The following ADAM12 variants were observed in gnomAD, a reference collection of about 807,000 sequenced individuals.
The protein encoded by ADAM12 is ADAM metallopeptidase domain 12.
A neutral mutation model predicts 106.4 loss-of-function variants in ADAM12; 70 were observed. The observed-to-expected ratio is 0.66, with a 90% CI of 0.54 to 0.80. ADAM12 has a LOEUF of 0.80. Ranked by LOEUF, ADAM12 falls within the 30% of genes least tolerant of loss-of-function variation. The pLI is 0.00. For synonymous variants in ADAM12, 420 were observed against 433.5 expected, an observed-to-expected ratio of 0.97 and a Z score of 0.39; for missense variants, 1,010 against 1,171.9, an observed-to-expected ratio of 0.86 and a Z score of 2.02.
At chr10:126,356,963 T>C (rs1821056912) in intron 1 of ADAM12, among the ~76,000 whole-genome samples, 1 of 152,190 alleles carries the variant, frequency 6.6e-6, no homozygotes, top group Admixed American at 6.5e-5. Flanking sequence ...ATGGGAATTA[T>C]GGAATACCAT....
intron 11 of ADAM12, among the ~76,000 whole-genome samples, chr10:126,085,210 G>A (rs1007847970): frequency 1.3e-5 from 2 of 152,220 alleles, no homozygotes; most frequent in African/African-American, 4.8e-5. Context: ...ATTTATCTGG[G>A]TTTTCTCTGC....
intron 11 of ADAM12, among the ~76,000 whole-genome samples, chr10:126,086,708 A>ATATATATATATATATAT (rs1955364125): frequency 2.7e-5 from 2 of 73,608 alleles, no homozygotes; most frequent in African/African-American, 5.0e-5. Context: ...TATATATATA[A>ATATATATATATATATAT]AATAAAATAG....
intron 18 of ADAM12, among the ~76,000 whole-genome samples, chr10:126,040,564 G>A (rs922485120): frequency 3.3e-5 from 5 of 152,178 alleles, no homozygotes; most frequent in Non-Finnish European, 5.9e-5. Flanking sequence ...ACAGCCAACA[G>A]ATGACAGTCT....
chr10:126,251,115 G>A (rs1958737022), intron 3 of ADAM12, among the ~76,000 whole-genome samples: 1 of 152,184 alleles, frequency 6.6e-6, no homozygotes, highest in African/African-American at 2.4e-5. Flanking sequence ...CCAAGGGGTA[G>A]GAACATGACC....
At chr10:126,195,231 A>G (rs969924159) in intron 3 of ADAM12, among the ~76,000 whole-genome samples, 6 of 152,206 alleles carry the variant, frequency 3.9e-5, no homozygotes, top group Admixed American at 1.3e-4. Context: ...AATTGCTAAA[A>G]GAATAGATTT....
chr10:126,306,377 A>C (rs748196379), intron 2 of ADAM12, among the ~76,000 whole-genome samples: 4 of 152,198 alleles, frequency 2.6e-5, no homozygotes, highest in Middle Eastern at 3.4e-3. Context: ...TGCTATTCAT[A>C]GTTTACTTAT....
chr10:126,041,339 A>C, intron 18 of ADAM12: 2 of 985,816 alleles, frequency 2.0e-6, no homozygotes, highest in South Asian at 4.7e-5. Context: ...GGGTGGAGGC[A>C]GCGGTATTTC....
Position 126,036,222 on chromosome 10 carries a change from G to A in ADAM12, c.2453C>T (p.Pro818Leu). The change falls in exon 21 of 23, where the codon CCC becomes CTC. Residue 818 changes from proline to leucine, a missense_variant. By Grantham distance (98) the Pro-to-Leu change is moderately conservative. Coordinates refer to ENST00000448723, the MANE Select transcript of ADAM12 (RefSeq NM_001288973.2). ...QPQSTQRVLP[P>L]LHRAPRAPSV... The stretch of plus-strand genomic sequence containing the variant: ...AGGTGCACGTGGAGCCCGGTGGAGG[G>A]GAGGAAGCACTCGCTGAGTTGACTG... 5 of 1,552,256 alleles carry A rather than the reference G, an allele frequency of 3.2e-6. No homozygotes were observed. Among genetic ancestry groups the A allele is most frequent in the Non-Finnish European group, 3.5e-6 (4 of 1,154,294 alleles).
intron 4 of ADAM12, among the ~76,000 whole-genome samples, chr10:126,136,670 C>A (rs1956411124): frequency 6.6e-6 from 1 of 152,082 alleles, no homozygotes; most frequent in African/African-American, 2.4e-5. Context: ...AGAAAAAGCA[C>A]CAGATGCAAT....
At position 126,388,352 on chromosome 10, in the gene ADAM12, G is replaced by C; in HGVS notation, c.-207C>G. The C allele has an allele frequency of 1.4e-6, 1 of 712,944 alleles. No individual in the cohort carries two copies. Among genetic ancestry groups the C allele is most frequent in the Non-Finnish European group, 1.9e-6 (1 of 533,012 alleles). 44.2% of individuals were successfully genotyped at this position (712,944 alleles called of 1,614,324 possible). A position where few individuals can be genotyped will look rare whatever the true frequency, so the allele number is the denominator to read the frequency against. ...AAAAAGTTTCCCCCCGTGTGTGTGCGTGCGTGCGCGCGCGCGCGCCGTTCT... is the reference window on the plus strand; with the variant it reads ...AAAAAGTTTCCCCCCGTGTGTGTGCCTGCGTGCGCGCGCGCGCGCCGTTCT... On this transcript the variant is annotated 5_prime_UTR_variant, in exon 1 of 23. Coordinates refer to ENST00000448723, the MANE Select transcript of ADAM12 (RefSeq NM_001288973.2). This position sits in a 1 kb window ranked among gnomAD's most constrained non-coding sequence, Gnocchi z 4.4.
chr10:126,023,664 G>A (rs891750754), intron 21 of ADAM12, among the ~76,000 whole-genome samples: 3 of 152,140 alleles, frequency 2.0e-5, no homozygotes, highest in African/African-American at 4.8e-5. Flanking sequence ...GATACTACAA[G>A]GAGCATTCTT....
At chr10:126,061,230 C>T (rs1954749687) in intron 14 of ADAM12, among the ~76,000 whole-genome samples, 2 of 152,166 alleles carry the variant, frequency 1.3e-5, no homozygotes, top group South Asian at 4.1e-4. Context: ...AGTGCAGCTG[C>T]ATCTTATTTA....
In ADAM12 at chr10:126,259,139, T is replaced by C. The variant is rs371738292; in HGVS notation, c.260+19776A>G. 2.6e-5 allele frequency among the ~76,000 whole-genome samples: 4 copies of C among 152,104 alleles called. No individual in the cohort carries two copies. The East Asian group carries it at 5.8e-4, about 22-fold the overall frequency. ...AATTCCTAAAACAACAGTAGGATCTTGGTGGTCTGTATCTAACAGACGTCA... is the reference window on the plus strand; with the variant it reads ...AATTCCTAAAACAACAGTAGGATCTCGGTGGTCTGTATCTAACAGACGTCA... On this transcript the variant is annotated intron_variant, in intron 3 of 22. Transcript: ENST00000448723.
At chr10:126,171,081 TA>T (rs561446119) in intron 3 of ADAM12, among the ~76,000 whole-genome samples, 164 of 152,300 alleles carry the variant, frequency 1.1e-3, no homozygotes, top group Non-Finnish European at 2.0e-3. Flanking sequence ...TCTCCAAGGG[TA>T]AATTGACATT....
At chr10:126,079,320 C>A (rs1955165934) in intron 11 of ADAM12, among the ~76,000 whole-genome samples, 1 of 151,940 alleles carries the variant, frequency 6.6e-6, no homozygotes, top group African/African-American at 2.4e-5. Flanking sequence ...ATGAAGCCAT[C>A]ACTCCTCATT....
At chr10:126,379,774 C>A (rs904434209) in intron 1 of ADAM12, among the ~76,000 whole-genome samples, 2 of 151,878 alleles carry the variant, frequency 1.3e-5, no homozygotes, top group South Asian at 2.1e-4. Flanking sequence ...AGACTAGATT[C>A]TCAGATCACA....
chr10:126,303,215 G>C (rs138149534), intron 2 of ADAM12, among the ~76,000 whole-genome samples: 98 of 152,292 alleles, frequency 6.4e-4, no homozygotes, highest in Middle Eastern at 6.8e-3. Context: ...TCATCACTGG[G>C]AGCTTTCAAT....
rs572120496 is a variant in ADAM12 at position 126,170,511 on chromosome 10, T to C, written c.261-15206A>G. 2.4e-4 allele frequency among the ~76,000 whole-genome samples: 36 copies of C among 152,062 alleles called. No homozygotes were observed. In the South Asian group the frequency reaches 3.8e-3, roughly 16 times the overall value. On this transcript the variant is annotated intron_variant, in intron 3 of 22. Coordinates refer to ENST00000448723, the MANE Select transcript of ADAM12 (RefSeq NM_001288973.2). ...ATAATCAGTTAAAGCACACCCTCTT[T>C]TCTGCGAAGGCCCACTGAGTTTGCC... is the stretch of plus-strand genomic sequence containing the variant.
intron 14 of ADAM12, among the ~76,000 whole-genome samples, chr10:126,055,871 C>T (rs980542307): frequency 6.6e-6 from 1 of 152,332 alleles, no homozygotes; most frequent in Non-Finnish European, 1.5e-5. Context: ...CACGGCCTAC[C>T]CCCTGCACCT....
Sources: allele counts gnomAD v4.1 joint callset (sites outside exome capture counted in the v4.1 genomes callset), GRCh38; gene constraint gnomAD v4.1.1; non-coding constraint Gnocchi (gnomAD v3.1); transcripts MANE v1.5; gene names NCBI Gene and HGNC (gene_info 2026-07-23, HGNC 2026-07-21).